Variants in CADPS2 observed in about 807,000 individuals in gnomAD.
The protein encoded by CADPS2 is calcium dependent secretion activator 2.
In CADPS2, 93 loss-of-function variants were observed where a neutral mutation model predicts 172.5. The ratio of observed to expected loss-of-function variants is 0.54; its 90% CI spans 0.46 to 0.64. The LOEUF (loss-of-function observed/expected upper bound fraction) is 0.64, where lower values mean the gene tolerates loss of function less well. CADPS2 is among the 30% of genes least tolerant of loss of function. CADPS2 has a pLI of 0.00. For synonymous variants in CADPS2, 546 were observed against 555.2 expected (o/e 0.98, Z 0.23); for missense variants, 1,420 against 1,565.9 (o/e 0.91, Z 1.57).
At chr7:122,637,400 G>A (rs1318833657) in intron 3 of CADPS2, among the ~76,000 whole-genome samples, 2 of 151,746 alleles carry the variant, frequency 1.3e-5, no homozygotes, top group African/African-American at 4.8e-5. Context: ...AAACTCATGG[G>A]CTTAAGTGAT....
intron 14 of CADPS2, among the ~76,000 whole-genome samples, chr7:122,465,082 GA>G (rs566486712): frequency 2.8e-4 from 43 of 152,168 alleles, no homozygotes; most frequent in African/African-American, 1.0e-3. Context: ...TTGCTCCTTT[GA>G]AAAGACCAAT....
At chr7:122,592,092 A>G (rs1376566439) in intron 6 of CADPS2, among the ~76,000 whole-genome samples, 1 of 152,208 alleles carries the variant, frequency 6.6e-6, no homozygotes, top group Non-Finnish European at 1.5e-5. Context: ...TACTCATCTG[A>G]TAAAGGGCTA....
intron 1 of CADPS2, among the ~76,000 whole-genome samples, chr7:122,774,536 A>C (rs2093815663): frequency 6.6e-6 from 1 of 152,136 alleles, no homozygotes; most frequent in Non-Finnish European, 1.5e-5. Flanking sequence ...GTTTAATAAA[A>C]GCATAGGTTA....
chr7:122,580,436 G>C (rs1000126654), intron 7 of CADPS2, among the ~76,000 whole-genome samples: 3 of 139,458 alleles, frequency 2.2e-5, no homozygotes, highest in African/African-American at 8.2e-5. Context: ...CTGGGCAACA[G>C]AGCAAGATTC....
chr7:122,415,029 T>G lies in CADPS2; in HGVS notation c.2581-953A>C, dbSNP rs527929387. 3.9e-5 allele frequency among the ~76,000 whole-genome samples: 6 copies of G among 152,292 alleles called. No individual in the cohort carries two copies. In the South Asian group the frequency reaches 1.2e-3, roughly 32 times the overall value. The stretch of plus-strand genomic sequence containing the variant: ...TCTTTCATTTTTGTTAACAAACTCA[T>G]GGCTATTAGAAAGAGTGAGAATTTT... On this transcript the variant is annotated intron_variant, in intron 18 of 29. Transcript: ENST00000449022.
At chr7:122,556,887 C>T (rs1433813541) in intron 7 of CADPS2, among the ~76,000 whole-genome samples, 1 of 152,066 alleles carries the variant, frequency 6.6e-6, no homozygotes, top group Non-Finnish European at 1.5e-5. Flanking sequence ...TCACTTCTTC[C>T]TATTGCTCTT....
At chr7:122,379,321 G>T in intron 25 of CADPS2, 47 bp downstream of exon 25, 1 of 1,216,476 alleles carries the variant, frequency 8.2e-7, no homozygotes. Flanking sequence ...ATTCTCCATT[G>T]ACAATTTTTC....
At chr7:122,727,321 A>G (rs2137354486) in intron 2 of CADPS2, among the ~76,000 whole-genome samples, 1 of 151,926 alleles carries the variant, frequency 6.6e-6, no homozygotes, top group East Asian at 1.9e-4. Flanking sequence ...GGAATTAGAA[A>G]ATGCTACACT....
chr7:122,479,176 A>C (rs1323586071), intron 12 of CADPS2, among the ~76,000 whole-genome samples: 1 of 152,152 alleles, frequency 6.6e-6, no homozygotes, highest in Non-Finnish European at 1.5e-5. Flanking sequence ...GCCAGCCAAG[A>C]CTGCTCTCTG....
chr7:122,659,065 C>A (rs2135255381), intron 3 of CADPS2, among the ~76,000 whole-genome samples: 1 of 151,764 alleles, frequency 6.6e-6, no homozygotes, highest in Admixed American at 6.6e-5. Flanking sequence ...ATCTGGCTTA[C>A]AACAAAAAAT....
chr7:122,623,238 G>A (rs1254906373), intron 4 of CADPS2, among the ~76,000 whole-genome samples: 1 of 151,808 alleles, frequency 6.6e-6, no homozygotes, highest in African/African-American at 2.4e-5. Flanking sequence ...TCCTTTAGTG[G>A]GGCGGGGGAG....
chr7:122,415,658 T>TA, intron 18 of CADPS2, among the ~76,000 whole-genome samples: 1 of 109,188 alleles, frequency 9.2e-6, no homozygotes, highest in Non-Finnish European at 2.0e-5. Flanking sequence ...GTTTGGGAAA[T>TA]AAAAATATCT....
At chr7:122,705,723 TATCA>T (rs1564122268) in intron 2 of CADPS2, among the ~76,000 whole-genome samples, 75 of 15,942 alleles carry the variant, frequency 4.7e-3, no homozygotes, top group South Asian at 0.018. Context: ...TTATATAATA[TATCA>T]TATATTATAT....
At chr7:122,432,396 T>G (rs2050051111) in intron 17 of CADPS2, among the ~76,000 whole-genome samples, 1 of 151,970 alleles carries the variant, frequency 6.6e-6, no homozygotes, top group South Asian at 2.1e-4. Flanking sequence ...TCCCGGCACT[T>G]TGGGAGGCTG....
At position 122,469,113 on chromosome 7, in the gene CADPS2, C is replaced by T. The variant is rs1310286245; in HGVS notation, c.2186+2262G>A. Among the ~76,000 whole-genome samples, 11 of 152,214 alleles carry T rather than the reference C, an allele frequency of 7.2e-5. No homozygotes were observed. In the East Asian group the frequency reaches 1.9e-3, roughly 27 times the overall value. The stretch of plus-strand genomic sequence containing the variant: ...CGTTATAAAGAAAACAATAGTTTTA[C>T]AGAATAAAAGTAACTATGGCAACCA... On this transcript the variant is annotated intron_variant, in intron 14 of 29. Coordinates refer to ENST00000449022, the MANE Select transcript of CADPS2 (RefSeq NM_017954.11).
At chr7:122,648,993 C>A (rs1296136406) in intron 3 of CADPS2, among the ~76,000 whole-genome samples, 1 of 152,060 alleles carries the variant, frequency 6.6e-6, no homozygotes, top group African/African-American at 2.4e-5. Context: ...ACCTGCAATT[C>A]ATTCTTCAGA....
chr7:122,759,516 T>C (rs2093301005), intron 1 of CADPS2, among the ~76,000 whole-genome samples: 1 of 152,152 alleles, frequency 6.6e-6, no homozygotes, highest in Admixed American at 6.6e-5. Context: ...TAAACAGATA[T>C]GGTAGAGGTA....
intron 8 of CADPS2, among the ~76,000 whole-genome samples, chr7:122,538,506 TAAATAA>T (rs912509772): frequency 1.3e-5 from 2 of 151,702 alleles, no homozygotes; most frequent in African/African-American, 4.8e-5. Flanking sequence ...TCGTAACATT[TAAATAA>T]AAATATTGTT....
intron 1 of CADPS2, among the ~76,000 whole-genome samples, chr7:122,842,775 T>C (rs1040453535): frequency 5.3e-5 from 8 of 152,000 alleles, no homozygotes; most frequent in Non-Finnish European, 1.2e-4. Context: ...CCACAAAATA[T>C]AGCTAGAAGG....
Sources: allele counts gnomAD v4.1 joint callset (sites outside exome capture counted in the v4.1 genomes callset), GRCh38; gene constraint gnomAD v4.1.1; transcripts MANE v1.5; gene names NCBI Gene and HGNC (gene_info 2026-07-23, HGNC 2026-07-21).